Variants in EXOC6B observed in about 807,000 individuals in gnomAD.
EXOC6B encodes SEC15 homolog B.
A neutral mutation model predicts 113.5 loss-of-function variants in EXOC6B; 54 were observed. The observed-to-expected ratio is 0.48, with a 90% CI of 0.38 to 0.60. The LOEUF is 0.60. Ranked by LOEUF, EXOC6B falls within the 20% of genes least tolerant of loss-of-function variation. The pLI, the probability that EXOC6B is intolerant of heterozygous loss-of-function variation, is 0.00. For synonymous variants in EXOC6B, 357 were observed against 339.0 expected (o/e 1.05, Z -0.58); for missense variants, 797 against 977.5 (o/e 0.82, Z 2.46).
chr2:72,709,660 C>A (rs996306763), intron 6 of EXOC6B, among the ~76,000 whole-genome samples: 4 of 151,990 alleles, frequency 2.6e-5, no homozygotes, highest in Non-Finnish European at 5.9e-5. Flanking sequence ...GGCCAAGAGC[C>A]CAAAATTAAA....
Position 72,731,004 on chromosome 2 carries a change from T to C in EXOC6B, c.464+3A>G. 6.6e-7 allele frequency: 1 copy of C among 1,525,800 alleles called. No individual in the cohort carries two copies. The highest frequency in any genetic ancestry group is 8.8e-7 in the Non-Finnish European group (1 of 1,139,444). 94.5% of individuals were successfully genotyped at this position (1,525,800 alleles called of 1,614,324 possible). A position where few individuals can be genotyped will look rare whatever the true frequency, so the allele number is the denominator to read the frequency against. On this transcript the variant is annotated splice_donor_region_variant and intron_variant, in intron 5 of 21. Coordinates refer to ENST00000272427, the MANE Select transcript of EXOC6B (RefSeq NM_015189.3). ...AAACTGTTCGATTAAAAAAAAATCTTACCTTTTAGTTTTCATCTGGTCCCT... is the reference window on the plus strand; with the variant it reads ...AAACTGTTCGATTAAAAAAAAATCTCACCTTTTAGTTTTCATCTGGTCCCT...
At chr2:72,465,771 C>T (rs2105421803) in intron 17 of EXOC6B, among the ~76,000 whole-genome samples, 1 of 152,270 alleles carries the variant, frequency 6.6e-6, no homozygotes, top group South Asian at 2.1e-4. Context: ...TATGAAGTAC[C>T]TGCCACCACA....
At chr2:72,327,366 A>T (rs1688184024) in intron 20 of EXOC6B, among the ~76,000 whole-genome samples, 1 of 151,854 alleles carries the variant, frequency 6.6e-6, no homozygotes, top group Non-Finnish European at 1.5e-5. Context: ...CTCTCATAAG[A>T]CTACCATGGT....
Position 72,371,343 on chromosome 2 carries a change from A to G in EXOC6B, c.2122+8386T>C, listed in dbSNP as rs146245640. Among the ~76,000 whole-genome samples the G allele has an allele frequency of 5.4e-3, 826 of 152,326 alleles. 8 individuals are homozygous for G. Among genetic ancestry groups the G allele is most frequent in the African/African-American group, 0.019 (790 of 41,578 alleles). On this transcript the variant is annotated intron_variant, in intron 19 of 21. Transcript: ENST00000272427. ...GGAATACTTCCAAACTCATTCTACA[A>G]GATCAGTATTACCCTGATACTAAAA...
intron 20 of EXOC6B, among the ~76,000 whole-genome samples, chr2:72,192,079 G>C (rs766617320): frequency 6.6e-6 from 1 of 152,152 alleles, no homozygotes; most frequent in Non-Finnish European, 1.5e-5. Context: ...TGAGTGAAGA[G>C]AATTGTTGGA....
intron 1 of EXOC6B, among the ~76,000 whole-genome samples, chr2:72,803,097 G>A (rs915845950): frequency 1.2e-4 from 19 of 152,154 alleles, no homozygotes; most frequent in African/African-American, 4.6e-4. Context: ...CCTGCTTGCT[G>A]ATAAACTTTG....
intron 1 of EXOC6B, among the ~76,000 whole-genome samples, chr2:72,813,038 T>C (rs1686011749): frequency 6.6e-6 from 1 of 152,184 alleles, no homozygotes; most frequent in African/African-American, 2.4e-5. Flanking sequence ...ATCTCTGTAT[T>C]ATTTCTTACA....
At chr2:72,800,355 G>A (rs1220671853) in intron 1 of EXOC6B, among the ~76,000 whole-genome samples, 1 of 151,980 alleles carries the variant, frequency 6.6e-6, no homozygotes, top group Non-Finnish European at 1.5e-5. Flanking sequence ...AAATTGATTT[G>A]ACCAAAGTGT....
chr2:72,379,997 C>T, intron 18 of EXOC6B, 127 bp from the exon 19 acceptor site: 1 of 782,860 alleles, frequency 1.3e-6, no homozygotes, highest in Non-Finnish European at 1.9e-6. Context: ...CATCATAATA[C>T]CCTTCCATTC....
At chr2:72,425,853 C>T (rs1056361685) in intron 18 of EXOC6B, among the ~76,000 whole-genome samples, 2 of 152,068 alleles carry the variant, frequency 1.3e-5, no homozygotes. Context: ...CTTCAATACT[C>T]TACAGATATT....
intron 20 of EXOC6B, among the ~76,000 whole-genome samples, chr2:72,290,058 T>C (rs974443461): frequency 3.9e-5 from 6 of 152,174 alleles, no homozygotes; most frequent in African/African-American, 1.2e-4. Flanking sequence ...AACCATTCAC[T>C]TTTCCTGGGT....
intron 8 of EXOC6B, among the ~76,000 whole-genome samples, chr2:72,525,656 T>A (rs2105734927): frequency 6.6e-6 from 1 of 152,280 alleles, no homozygotes; most frequent in East Asian, 1.9e-4. Context: ...ATTCAAAGAA[T>A]ATGATTTAAT....
intron 7 of EXOC6B, among the ~76,000 whole-genome samples, chr2:72,568,544 C>T (rs1464358330): frequency 2.0e-5 from 3 of 151,964 alleles, no homozygotes; most frequent in African/African-American, 7.2e-5. Context: ...CATACACACA[C>T]ACGCACGCAC....
intron 1 of EXOC6B, among the ~76,000 whole-genome samples, chr2:72,749,921 T>C (rs557977241): frequency 1.3e-5 from 2 of 151,978 alleles, no homozygotes; most frequent in African/African-American, 4.8e-5. Flanking sequence ...AATCAAACCC[T>C]AATAAATGTA....
At chr2:72,374,066 T>A (rs961312620) in intron 19 of EXOC6B, among the ~76,000 whole-genome samples, 2 of 151,934 alleles carry the variant, frequency 1.3e-5, no homozygotes, top group African/African-American at 4.8e-5. Flanking sequence ...TGAGACCCTG[T>A]CTCAAAAAAA....
intron 1 of EXOC6B, among the ~76,000 whole-genome samples, chr2:72,754,189 G>T (rs1185603154): frequency 6.6e-6 from 1 of 151,804 alleles, no homozygotes; most frequent in Non-Finnish European, 1.5e-5. Context: ...GCCCAGCTCA[G>T]AAGCTGCTCT....
chr2:72,408,494 C>T (rs1693940631), intron 18 of EXOC6B, among the ~76,000 whole-genome samples: 1 of 152,208 alleles, frequency 6.6e-6, no homozygotes, highest in African/African-American at 2.4e-5. Context: ...ACCAAAACAG[C>T]ATGGTACTGG....
At chr2:72,708,180 C>T (rs1489660763) in intron 6 of EXOC6B, among the ~76,000 whole-genome samples, 1 of 152,020 alleles carries the variant, frequency 6.6e-6, no homozygotes, top group East Asian at 1.9e-4. Context: ...CAATAATATA[C>T]ATGATAGAAA....
In EXOC6B at chr2:72,732,868, A is replaced by G. The variant is rs116506302; in HGVS notation, c.327+203T>C. On this transcript the variant is annotated intron_variant, in intron 3 of 21. Transcript: ENST00000272427. ...GACAAGTCGATGATTTAAAAGCACA[A>G]CTAAGAAGCCTGTATCCTGTCTCCT... Among the ~76,000 whole-genome samples, 691 of 152,268 alleles carry G rather than the reference A, an allele frequency of 4.5e-3. 4 individuals are homozygous for G. The highest frequency in any genetic ancestry group is 7.6e-3 in the Non-Finnish European group (518 of 68,008).
Sources: allele counts gnomAD v4.1 joint callset (sites outside exome capture counted in the v4.1 genomes callset), GRCh38; gene constraint gnomAD v4.1.1; transcripts MANE v1.5; gene names NCBI Gene and HGNC (gene_info 2026-07-23, HGNC 2026-07-21).